RAD51C: variants seen among roughly 807,000 people sequenced by gnomAD.
RAD51C encodes DNA repair protein RAD51 homolog 3.
A neutral mutation model predicts 45.0 loss-of-function variants in RAD51C; 42 were observed. The observed-to-expected ratio is 0.93, with a 90% confidence interval of 0.73 to 1.21. The LOEUF is 1.21. RAD51C is among the 50% of genes most tolerant of loss of function. The pLI, the probability that RAD51C is intolerant of heterozygous loss-of-function variation, is 0.00. For synonymous variants in RAD51C, 172 were observed against 159.8 expected, an observed-to-expected ratio of 1.08 and a Z score of -0.58; for missense variants, 474 against 452.2, an observed-to-expected ratio of 1.05 and a Z score of -0.44.
intron 6 of RAD51C, among the ~76,000 whole-genome samples, chr17:58,722,483 T>C (rs532685247): frequency 6.6e-6 from 1 of 152,328 alleles, no homozygotes; most frequent in South Asian, 2.1e-4. Flanking sequence ...AAATTTAAAT[T>C]GCACATGTGG....
At chr17:58,705,474 C>T (rs574039156) in intron 4 of RAD51C, among the ~76,000 whole-genome samples, 57 of 152,136 alleles carry the variant, frequency 3.7e-4, no homozygotes, top group Middle Eastern at 6.8e-3. Context: ...GCTGGGACTA[C>T]AGGCGCATGC....
intron 5 of RAD51C, among the ~76,000 whole-genome samples, chr17:58,710,982 C>G (rs911643961): frequency 6.6e-6 from 1 of 152,146 alleles, no homozygotes; most frequent in Non-Finnish European, 1.5e-5. Context: ...TGTAATACAT[C>G]ATAAGTAAAT....
At chr17:58,711,218 C>T (rs1319060108) in intron 5 of RAD51C, among the ~76,000 whole-genome samples, 1 of 152,036 alleles carries the variant, frequency 6.6e-6, no homozygotes, top group African/African-American at 2.4e-5. Context: ...ATAGCTTCAC[C>T]TTTTCCGACT....
In RAD51C at chr17:58,709,602, A is replaced by T. The variant is rs56006807; in HGVS notation, c.706-257A>T. The T allele has an allele frequency of 1.4e-4, 47 of 342,012 alleles. No individual in the cohort carries two copies. In the East Asian group the frequency reaches 3.1e-3, roughly 22 times the overall value. The allele number at this position is 342,012 out of a possible 1,614,324, so 21.2% of individuals were successfully genotyped here. ...CTATCTAGTAAGGGTTGGATTAAAG[A>T]AGAGGCTTTTATGAAGCAATGTCTA... is the stretch of plus-strand genomic sequence containing the variant. On this transcript the variant is annotated intron_variant, in intron 4 of 8. Transcript: ENST00000337432.
chr17:58,720,567 G>A (rs888295690), intron 5 of RAD51C, among the ~76,000 whole-genome samples, 179 bp from the exon 6 acceptor site: 2 of 152,038 alleles, frequency 1.3e-5, no homozygotes, highest in Non-Finnish European at 2.9e-5. Context: ...GCCTGCCCCA[G>A]GTTCAAATGA....
intron 7 of RAD51C, among the ~76,000 whole-genome samples, chr17:58,726,246 A>G (rs551124720): frequency 3.4e-4 from 51 of 151,808 alleles, no homozygotes; most frequent in African/African-American, 9.4e-4. Flanking sequence ...TGCAGAATGT[A>G]TACCTATTAT....
chr17:58,692,713 C>G lies in RAD51C; in HGVS notation c.70C>G (p.Arg24Gly), dbSNP rs878855180. 1 of 1,614,152 alleles carries G rather than the reference C, an allele frequency of 6.2e-7. No individual in the cohort carries two copies. Among genetic ancestry groups the G allele is most frequent in the Admixed American group, 1.7e-5 (1 of 60,014 alleles). Residue 24 changes from arginine to glycine, a missense_variant, in exon 1 of 9, where the codon CGG becomes GGG. By Grantham distance (125) the Arg-to-Gly change is moderately radical. Transcript: ENST00000337432. ...LVSFPLSPAVRVKLVSAGFQT... is the reference protein window; with the variant it reads ...LVSFPLSPAVGVKLVSAGFQT... The stretch of plus-strand genomic sequence containing the variant: ...GAGTTTCCCGCTGTCTCCAGCGGTG[C>G]GGGTGAAGCTGGTGTCTGCGGGGTT...
rs566447371 is a variant in RAD51C at position 58,693,502 on chromosome 17, T to C, written c.145+714T>C. 3.3e-5 allele frequency: 5 copies of C among 152,498 alleles called. 1 individual carries two copies. The South Asian group carries it at 1.0e-3, about 32-fold the overall frequency. 9.4% of individuals were successfully genotyped at this position (152,498 alleles called of 1,614,324 possible). A position where few individuals can be genotyped will look rare whatever the true frequency, so the allele number is the denominator to read the frequency against. On this transcript the variant is annotated intron_variant, in intron 1 of 8. Transcript: ENST00000337432. ...AATTTTAAGTTACTGCCCTTACTGATGGAAAATACAGAGGTTTCAATTCGC... is the reference window on the plus strand; with the variant it reads ...AATTTTAAGTTACTGCCCTTACTGACGGAAAATACAGAGGTTTCAATTCGC...
chr17:58,732,410 T>A (rs546303794), intron 7 of RAD51C, 74 bp from the exon 8 acceptor site: 1 of 1,230,596 alleles, frequency 8.1e-7, no homozygotes, highest in African/African-American at 1.5e-5. Flanking sequence ...ATTTAAATAA[T>A]GAGTTTGGTC....
At chr17:58,703,443 A>T (rs1567794622) in intron 4 of RAD51C, 114 bp downstream of exon 4, 6 of 1,154,712 alleles carry the variant, frequency 5.2e-6, no homozygotes, top group Non-Finnish European at 7.5e-6. Context: ...CAATTGAGAA[A>T]ATCTCTTCCT....
At chr17:58,720,892 A>G in intron 6 of RAD51C, 80 bp downstream of exon 6, 2 of 1,183,558 alleles carry the variant, frequency 1.7e-6, no homozygotes, top group South Asian at 2.5e-5. Context: ...TGAGTACTAT[A>G]CGCTTCATGA....
chr17:58,715,454 C>CAAA (rs35442906), intron 5 of RAD51C, among the ~76,000 whole-genome samples: 3 of 91,196 alleles, frequency 3.3e-5, no homozygotes, highest in Admixed American at 1.3e-4. Flanking sequence ...AACTCTGTCT[C>CAAA]AAAAAAAAAA....
chr17:58,719,679 A>G (rs1031032337), intron 5 of RAD51C, among the ~76,000 whole-genome samples: 4 of 152,010 alleles, frequency 2.6e-5, no homozygotes, highest in Non-Finnish European at 5.9e-5. Context: ...CTTTATGATC[A>G]GTAGAATCAT....
intron 2 of RAD51C, 158 bp downstream of exon 2, chr17:58,695,347 T>C: frequency 7.2e-7 from 1 of 1,396,098 alleles, no homozygotes; most frequent in South Asian, 1.7e-5. Flanking sequence ...TTTGTGTTAC[T>C]TCATTATCCC....
In RAD51C at chr17:58,703,306, G is replaced by C. The variant is rs2143801157; in HGVS notation, c.682G>C (p.Asp228His). The change falls in exon 4 of 9, where the codon GAT (aspartate) becomes CAT (histidine). Residue 228 changes from aspartate to histidine, a missense_variant. By Grantham distance (81) the Asp-to-His change is moderately conservative. Coordinates refer to ENST00000337432, the MANE Select transcript of RAD51C (RefSeq NM_058216.3). The part of the protein sequence containing the change: ...ELLAQVYLLP[D>H]FLSEHSKVRL... ...ACTGGCACAAGTTTATCTTCTTCCA[G>C]ATTTCCTTTCAGAACACTCAAAGGT... The C allele has an allele frequency of 6.2e-7, 1 of 1,612,078 alleles. No individual in the cohort carries two copies. The highest frequency in any genetic ancestry group is 8.5e-7 in the Non-Finnish European group (1 of 1,178,474).
intron 3 of RAD51C, among the ~76,000 whole-genome samples, chr17:58,697,858 ATGT>A (rs2143757773): frequency 6.6e-6 from 1 of 151,764 alleles, no homozygotes; most frequent in East Asian, 2.0e-4. Context: ...AATTACAGGC[ATGT>A]GCCACCACGC....
intron 7 of RAD51C, among the ~76,000 whole-genome samples, chr17:58,731,857 AT>A (rs1223595719): frequency 6.6e-6 from 1 of 152,154 alleles, no homozygotes; most frequent in Non-Finnish European, 1.5e-5. Context: ...AAGAGCTGGG[AT>A]TACAGACATG....
In RAD51C at chr17:58,701,037, A is replaced by G. The variant is rs533954873; in HGVS notation, c.572-2159A>G. Among the ~76,000 whole-genome samples, 17 of 152,246 alleles carry G rather than the reference A, an allele frequency of 1.1e-4. No individual in the cohort carries two copies. In the South Asian group the frequency reaches 3.5e-3, roughly 32 times the overall value. On this transcript the variant is annotated intron_variant, in intron 3 of 8. Transcript: ENST00000337432. ...TTCAGCCCCCCAAGTAGCTGGGGCT[A>G]CAGGTGGGCACTACCATGCCCAGCT...
intron 6 of RAD51C, among the ~76,000 whole-genome samples, chr17:58,722,879 C>A (rs1363009123): frequency 6.6e-6 from 1 of 152,126 alleles, no homozygotes; most frequent in Non-Finnish European, 1.5e-5. Context: ...TGCTGTGTCT[C>A]AGCTTTAGAT....
Sources: allele counts gnomAD v4.1 joint callset (sites outside exome capture counted in the v4.1 genomes callset), GRCh38; gene constraint gnomAD v4.1.1; transcripts MANE v1.5; gene names NCBI Gene and HGNC (gene_info 2026-07-23, HGNC 2026-07-21).